Variants in MDGA1 observed in about 807,000 individuals in gnomAD.
MDGA1 encodes the protein MAM domain-containing glycosylphosphatidylinositol anchor protein 1.
In MDGA1, 54 loss-of-function variants were observed where a neutral mutation model predicts 101.5. The ratio of observed to expected loss-of-function variants is 0.53; its 90% CI spans 0.43 to 0.67. The LOEUF (loss-of-function observed/expected upper bound fraction) is 0.67, where lower values mean the gene tolerates loss of function less well. MDGA1 is among the 30% of genes least tolerant of loss of function. The probability of loss-of-function intolerance (pLI) is 0.00; values close to 1 mark genes in which losing one functional copy is unlikely to be tolerated. For synonymous variants in MDGA1, 533 were observed against 558.3 expected (o/e 0.95, Z 0.64); for missense variants, 1,083 against 1,323.8 (o/e 0.82, Z 2.82).
Position 37,670,687 on chromosome 6 carries a change from G to A in MDGA1, c.68-6581C>T, listed in dbSNP as rs530683897. Among the ~76,000 whole-genome samples, 170 of 152,342 alleles carry A rather than the reference G, an allele frequency of 1.1e-3. 2 individuals carry two copies. The highest frequency in any genetic ancestry group is 2.0e-3 in the Non-Finnish European group (135 of 68,032). ...TCACATCCCCTGCAGCCTGCAAGCCGTTTGCATGAAAGGACCCTGCCTTCT... is the reference window on the plus strand; with the variant it reads ...TCACATCCCCTGCAGCCTGCAAGCCATTTGCATGAAAGGACCCTGCCTTCT... On this transcript the variant is annotated intron_variant, in intron 1 of 16. Transcript: ENST00000434837.
chr6:37,660,683 A>C (rs1381365077), intron 2 of MDGA1, among the ~76,000 whole-genome samples: 5 of 152,050 alleles, frequency 3.3e-5, no homozygotes, highest in Non-Finnish European at 7.4e-5. Flanking sequence ...AATTTTTTTA[A>C]ATTTTGAAGA....
chr6:37,673,694 C>A (rs558523152), intron 1 of MDGA1, among the ~76,000 whole-genome samples: 1 of 151,822 alleles, frequency 6.6e-6, no homozygotes, highest in Non-Finnish European at 1.5e-5. Context: ...CACCACCAGC[C>A]GGGGGTGGAC....
Position 37,637,454 on chromosome 6 carries a change from C to G in MDGA1, c.2782G>C (p.Val928Leu), listed in dbSNP as rs1763955250. The change falls in exon 17 of 17, where the codon GTG (valine) becomes CTG (leucine). Residue 928 changes from valine to leucine, a missense_variant. Val to Leu is a conservative substitution (Grantham distance 32). Coordinates refer to ENST00000434837, the MANE Select transcript of MDGA1 (RefSeq NM_153487.4). ...RKQTDPNKVV[V>L]MPGSGAPCQS... is the part of the protein sequence containing the mutation. ...CAGGGGGCTCCACTGCCCGGCATCA[C>G]CACCACTGCAACAGGGGAGAAAGAG... is the stretch of plus-strand genomic sequence containing the variant. 1 of 1,612,814 alleles carries G rather than the reference C, an allele frequency of 6.2e-7. No individual in the cohort carries two copies. The highest frequency in any genetic ancestry group is 1.3e-5 in the African/African-American group (1 of 74,920).
At chr6:37,662,740 A>G (rs1254698953) in intron 2 of MDGA1, among the ~76,000 whole-genome samples, 1 of 152,182 alleles carries the variant, frequency 6.6e-6, no homozygotes, top group Non-Finnish European at 1.5e-5. Context: ...TGGTAGAACG[A>G]ATGAAACCAC....
chr6:37,636,557 G>A lies in MDGA1; in HGVS notation c.*811C>T, dbSNP rs1337633035. On this transcript the variant is annotated 3_prime_UTR_variant, in exon 17 of 17. Coordinates refer to ENST00000434837, the MANE Select transcript of MDGA1 (RefSeq NM_153487.4). ...CCTCTGAGACCCAGCTGGGGGCTGA[G>A]GCTAGGAGAGAACCGTGTTCTCAGG... is the stretch of plus-strand genomic sequence containing the variant. The A allele has an allele frequency of 6.6e-6, 1 of 152,396 alleles. No homozygotes were observed. Among genetic ancestry groups the A allele is most frequent in the Admixed American group, 6.5e-5 (1 of 15,280 alleles). 9.4% of individuals were successfully genotyped at this position (152,396 alleles called of 1,614,324 possible). A position where few individuals can be genotyped will look rare whatever the true frequency, so the allele number is the denominator to read the frequency against.
At chr6:37,689,438 A>G (rs1762263893) in intron 1 of MDGA1, among the ~76,000 whole-genome samples, 1 of 152,118 alleles carries the variant, frequency 6.6e-6, no homozygotes, top group Non-Finnish European at 1.5e-5. Flanking sequence ...CTTCACTCAC[A>G]TTGTCACTAA....
At chr6:37,646,434 T>C in intron 10 of MDGA1, 59 bp from the exon 11 acceptor site, 1 of 1,390,232 alleles carries the variant, frequency 7.2e-7, no homozygotes, top group South Asian at 1.7e-5. Context: ...TTTCCTCATC[T>C]GTGAGACAGG....
intron 2 of MDGA1, 140 bp from the exon 3 acceptor site, chr6:37,658,559 C>T (rs921485592): frequency 6.4e-6 from 5 of 786,930 alleles, no homozygotes; most frequent in Non-Finnish European, 1.0e-5. Flanking sequence ...GCCTAGGAAA[C>T]GAACCCAGAC....
rs1389069523 is a variant in MDGA1 at position 37,635,591 on chromosome 6, G to A, written c.*1777C>T. On this transcript the variant is annotated 3_prime_UTR_variant, in exon 17 of 17. Transcript: ENST00000434837. ...AATGATCACACAGGCCTGGCAGGGG[G>A]AGATGGGCAGCCTTTGCCTCGGTTC... 2.5e-6 allele frequency: 1 copy of A among 398,572 alleles called. No individual in the cohort carries two copies. Among genetic ancestry groups the A allele is most frequent in the African/African-American group, 2.1e-5 (1 of 48,636 alleles). 24.7% of individuals were successfully genotyped at this position (398,572 alleles called of 1,614,324 possible).
intron 1 of MDGA1, among the ~76,000 whole-genome samples, chr6:37,684,729 C>T (rs2114098571): frequency 6.6e-6 from 1 of 152,272 alleles, no homozygotes; most frequent in Non-Finnish European, 1.5e-5. Context: ...ACCCTCGTGC[C>T]CCTCCTCATG....
intron 1 of MDGA1, among the ~76,000 whole-genome samples, chr6:37,679,293 G>C (rs867331103): frequency 6.6e-6 from 1 of 152,132 alleles, no homozygotes; most frequent in Non-Finnish European, 1.5e-5. Flanking sequence ...GTTCAATCAC[G>C]GCCAGGGACA....
In MDGA1 at chr6:37,696,931, G is replaced by A. The variant is rs1439271519; in HGVS notation, c.-120C>T. The A allele has an allele frequency of 2.4e-6, 2 of 820,034 alleles. No homozygotes were observed. Among genetic ancestry groups the A allele is most frequent in the African/African-American group, 1.7e-5 (1 of 58,540 alleles). The allele number at this position is 820,034 out of a possible 1,614,324, so 50.8% of individuals were successfully genotyped here. On this transcript the variant is annotated 5_prime_UTR_variant, in exon 1 of 17. Transcript: ENST00000434837. This position sits in a 1 kb window ranked among gnomAD's most constrained non-coding sequence, Gnocchi z 5.6. ...CCCTTTCCCTGAGAGGTGAGAGAGA[G>A]AGCGGCGACGAAGACCAGGAGACTG...
At position 37,697,738 on chromosome 6, in the gene MDGA1, A is replaced by T. The variant is rs1470620818; in HGVS notation, c.-927T>A. The T allele has an allele frequency of 2.7e-5, 4 of 148,750 alleles. No homozygotes were observed. The highest frequency in any genetic ancestry group is 6.0e-5 in the Non-Finnish European group (4 of 67,000). 9.2% of individuals were successfully genotyped at this position (148,750 alleles called of 1,614,324 possible). On this transcript the variant is annotated 5_prime_UTR_variant, in exon 1 of 17. Transcript: ENST00000434837. The stretch of plus-strand genomic sequence containing the variant: ...GGAGAGCGGGGCTACGCCGCGCCCC[A>T]AGTTGGTCGTCCCCGCCCCCGCCCG...
intron 2 of MDGA1, among the ~76,000 whole-genome samples, chr6:37,659,882 A>G (rs1054218888): frequency 6.6e-6 from 1 of 152,092 alleles, no homozygotes; most frequent in Non-Finnish European, 1.5e-5. Context: ...ACATGAAAAC[A>G]TTTGATCCTT....
In MDGA1 at chr6:37,646,283, C is replaced by T; in HGVS notation, c.2139G>A (p.Val713=). ...LLEYILTDLR[V]PHSYEVRLTP... ...TGAGGCGGACCTCATAGCTGTGGGG[C>T]ACACGGAGATCGGTCAGGATGTACT... Residue 713 remains valine, a synonymous_variant, in exon 11 of 17, where the codon GTG becomes GTA. Coordinates refer to ENST00000434837, the MANE Select transcript of MDGA1 (RefSeq NM_153487.4). The T allele has an allele frequency of 1.2e-6, 2 of 1,604,434 alleles. No homozygotes were observed. The highest frequency in any genetic ancestry group is 1.7e-6 in the Non-Finnish European group (2 of 1,175,202).
intron 8 of MDGA1, 28 bp downstream of exon 8, chr6:37,650,081 G>A (rs1473545199): frequency 1.2e-6 from 2 of 1,611,140 alleles, no homozygotes; most frequent in Non-Finnish European, 1.7e-6. Flanking sequence ...AAGCTGGGAA[G>A]GTAGTCCGGG....
intron 2 of MDGA1, 39 bp downstream of exon 2, chr6:37,663,928 G>C: frequency 3.1e-6 from 5 of 1,611,426 alleles, no homozygotes; most frequent in Non-Finnish European, 4.2e-6. Flanking sequence ...GCAAGGTGAG[G>C]GTAGGAGGGG....
chr6:37,684,243 G>A (rs1026034986), intron 1 of MDGA1, among the ~76,000 whole-genome samples: 3 of 152,190 alleles, frequency 2.0e-5, no homozygotes, highest in African/African-American at 4.8e-5. Context: ...GGACCCGGTG[G>A]AGACTGGCAG....
intron 11 of MDGA1, 27 bp downstream of exon 11, chr6:37,646,171 C>T (rs1202375564): frequency 6.4e-7 from 1 of 1,560,478 alleles, no homozygotes; most frequent in Non-Finnish European, 8.7e-7. Flanking sequence ...TGGGCCCATC[C>T]TTCCTACCGC....
Sources: allele counts gnomAD v4.1 joint callset (sites outside exome capture counted in the v4.1 genomes callset), GRCh38; gene constraint gnomAD v4.1.1; non-coding constraint Gnocchi (gnomAD v3.1); transcripts MANE v1.5; gene names NCBI Gene and HGNC (gene_info 2026-07-23, HGNC 2026-07-21).